Variants in NUDT4 observed in about 807,000 individuals in gnomAD.
The protein encoded by NUDT4 is nudix hydrolase 4, also known as diphosphoinositol polyphosphate phosphohydrolase 2.
NUDT4 carries 5 observed loss-of-function variants against 23.1 expected under a neutral mutation model. The observed-to-expected ratio is 0.22, with a 90% CI of 0.11 to 0.46. The LOEUF (loss-of-function observed/expected upper bound fraction) is 0.46, where lower values mean the gene tolerates loss of function less well. Among genes scored for constraint, NUDT4 ranks in the 20% least tolerant of loss-of-function variants. The probability of loss-of-function intolerance (pLI) is 0.99; values close to 1 mark genes in which losing one functional copy is unlikely to be tolerated. For synonymous variants in NUDT4, 50 were observed against 79.0 expected, an observed-to-expected ratio of 0.63 and a Z score of 1.95; for missense variants, 96 against 211.6, an observed-to-expected ratio of 0.45 and a Z score of 3.39.
chr12:93,404,421 G>C lies in NUDT4; in HGVS notation c.*5042G>C, dbSNP rs1419147794. 6.6e-6 allele frequency: 1 copy of C among 152,220 alleles called. No individual in the cohort carries two copies. Among genetic ancestry groups the C allele is most frequent in the Non-Finnish European group, 1.5e-5 (1 of 68,042 alleles). The allele number at this position is 152,220 out of a possible 1,614,324, so 9.4% of individuals were successfully genotyped here. A position where few individuals can be genotyped will look rare whatever the true frequency, so the allele number is the denominator to read the frequency against. ...CAGCCTGTCGGAGAGCTACTGAGTA[G>C]TATTTTATCACAGCTGCATACATAC... On this transcript the variant is annotated 3_prime_UTR_variant, in exon 5 of 5. Transcript: ENST00000415493.
rs1877825755 is a variant in NUDT4, at chr12:93,406,482, A to AT, written c.*7108dup. 6.6e-6 allele frequency: 1 copy of AT among 151,946 alleles called. No individual in the cohort carries two copies. The highest frequency in any genetic ancestry group is 1.5e-5 in the Non-Finnish European group (1 of 67,986). The allele number at this position is 151,946 out of a possible 1,614,324, so 9.4% of individuals were successfully genotyped here. A position where few individuals can be genotyped will look rare whatever the true frequency, so the allele number is the denominator to read the frequency against. On this transcript the variant is annotated 3_prime_UTR_variant, in exon 5 of 5. Transcript: ENST00000415493. The stretch of plus-strand genomic sequence containing the variant: ...TATCTGTTGGTTTGTATTTAATCTT[A>AT]TTTTTAAGTGCTTCTTTGAAATTGT...
chr12:93,385,941 T>TATATATATA lies in NUDT4; in HGVS notation c.99+7520_99+7521insATATATATA, dbSNP rs1565777284. 9.9e-3 allele frequency among the ~76,000 whole-genome samples: 1,033 copies of TATATATATA among 104,540 alleles called. 20 individuals carry two copies. The highest frequency in any genetic ancestry group is 0.015 in the East Asian group (44 of 2,964). 68.6% of individuals were successfully genotyped at this position (104,540 alleles called of 152,430 possible). A position where few individuals can be genotyped will look rare whatever the true frequency, so the allele number is the denominator to read the frequency against. ...ATATATATATATATAGTAAATCTTT[T>TATATATATA]TATATATATATATATATATATATAT... On this transcript the variant is annotated intron_variant, in intron 1 of 4. Transcript: ENST00000415493.
chr12:93,398,873 A>C lies in NUDT4; in HGVS notation c.340+18A>C. 7.2e-7 allele frequency: 1 copy of C among 1,398,330 alleles called. No homozygotes were observed. Among genetic ancestry groups the C allele is most frequent in the South Asian group, 1.2e-5 (1 of 85,636 alleles). 86.6% of individuals were successfully genotyped at this position (1,398,330 alleles called of 1,614,324 possible). A position where few individuals can be genotyped will look rare whatever the true frequency, so the allele number is the denominator to read the frequency against. Reference sequence around the variant, plus strand: ...TAATATTGGTAAGTTCCCTTTTGTTATCTGAATACTCTGTTCTAACAGAAG... The same window carrying C: ...TAATATTGGTAAGTTCCCTTTTGTTCTCTGAATACTCTGTTCTAACAGAAG... On this transcript the variant is annotated intron_variant, in intron 4 of 4. Coordinates refer to ENST00000415493, the MANE Select transcript of NUDT4 (RefSeq NM_019094.6).
Position 93,407,293 on chromosome 12 carries a change from G to GACA in NUDT4, c.*7915_*7917dup, listed in dbSNP as rs1330596926. ...TGTCCAAGTTACTTCTCTTTTCCAT[G>GACA]ACAGAGTTACAACTATTTGTCTGTC... On this transcript the variant is annotated 3_prime_UTR_variant, in exon 5 of 5. Transcript: ENST00000415493. 1 of 152,276 alleles carries GACA rather than the reference G, an allele frequency of 6.6e-6. No individual in the cohort carries two copies. Among genetic ancestry groups the GACA allele is most frequent in the Non-Finnish European group, 1.5e-5 (1 of 68,118 alleles). The allele number at this position is 152,276 out of a possible 1,614,324, so 9.4% of individuals were successfully genotyped here.
At chr12:93,385,205 G>T (rs553909103) in intron 1 of NUDT4, 1 of 152,322 alleles carries the variant, frequency 6.6e-6, no homozygotes, top group East Asian at 1.9e-4. Flanking sequence ...TACATGGGAA[G>T]AGGGAGTAAG....
intron 1 of NUDT4, 137 bp from the exon 2 acceptor site, chr12:93,394,472 C>T (rs572294451): frequency 6.4e-5 from 32 of 497,220 alleles, no homozygotes; most frequent in African/African-American, 5.6e-4. Flanking sequence ...TGGTGTAATG[C>T]GTACCCCCTA....
In NUDT4 at chr12:93,406,753, T is replaced by A. The variant is rs1456911234; in HGVS notation, c.*7374T>A. ...CATAAGCGGGAGGATTTGTGTAGAT[T>A]GTATGCATATACAACATCATTTTAT... On this transcript the variant is annotated 3_prime_UTR_variant, in exon 5 of 5. Coordinates refer to ENST00000415493, the MANE Select transcript of NUDT4 (RefSeq NM_019094.6). 1.3e-5 allele frequency: 2 copies of A among 151,642 alleles called. No individual in the cohort carries two copies. Among genetic ancestry groups the A allele is most frequent in the Admixed American group, 6.6e-5 (1 of 15,246 alleles). 9.4% of individuals were successfully genotyped at this position (151,642 alleles called of 1,614,324 possible).
intron 1 of NUDT4, among the ~76,000 whole-genome samples, chr12:93,389,324 T>A (rs1876320819): frequency 6.6e-6 from 1 of 151,916 alleles, no homozygotes. Context: ...AATACAAAAT[T>A]AGCTGGGCGT....
chr12:93,395,662 A>T, intron 3 of NUDT4, 129 bp downstream of exon 3: 1 of 668,356 alleles, frequency 1.5e-6, no homozygotes, highest in Non-Finnish European at 2.7e-6. Flanking sequence ...TCAGTCCAGG[A>T]TTAGGTAGGG....
At position 93,399,167 on chromosome 12, in the gene NUDT4, T is replaced by G. The variant is rs756079477; in HGVS notation, c.341-10T>G. 3.7e-6 allele frequency: 6 copies of G among 1,606,172 alleles called. No individual in the cohort carries two copies. The Admixed American group carries it at 1.0e-4, about 27-fold the overall frequency. Reference sequence around the variant, plus strand: ...GACTGTCTTGTAACCAATGTCATTCTTTTCTCTAGGAAGGAAGAGAGAGTG... The same window carrying G: ...GACTGTCTTGTAACCAATGTCATTCGTTTCTCTAGGAAGGAAGAGAGAGTG... On this transcript the variant is annotated splice_polypyrimidine_tract_variant and intron_variant, in intron 4 of 4. Transcript: ENST00000415493.
At chr12:93,386,248 C>T (rs957235561) in intron 1 of NUDT4, among the ~76,000 whole-genome samples, 4 of 151,894 alleles carry the variant, frequency 2.6e-5, no homozygotes, top group Admixed American at 6.6e-5. Context: ...ACCGGGATTA[C>T]GGGTGTGAGC....
At chr12:93,397,042 A>G (rs555437684) in intron 3 of NUDT4, among the ~76,000 whole-genome samples, 1 of 152,374 alleles carries the variant, frequency 6.6e-6, no homozygotes, top group East Asian at 1.9e-4. Flanking sequence ...AATGTCTCAC[A>G]TTATAAATAA....
intron 1 of NUDT4, chr12:93,378,690 C>A: frequency 1.7e-6 from 2 of 1,160,234 alleles, no homozygotes; most frequent in Non-Finnish European, 2.1e-6. Context: ...AGGTCCCGGG[C>A]CGCGTAAGTC....
At chr12:93,396,413 G>A (rs1876938026) in intron 3 of NUDT4, among the ~76,000 whole-genome samples, 1 of 152,210 alleles carries the variant, frequency 6.6e-6, no homozygotes, top group Non-Finnish European at 1.5e-5. Context: ...AGGTCCAGAT[G>A]TATCTTCATC....
At chr12:93,382,575 A>G (rs374079280) in intron 1 of NUDT4, among the ~76,000 whole-genome samples, 2 of 152,146 alleles carry the variant, frequency 1.3e-5, no homozygotes, top group African/African-American at 4.8e-5. Flanking sequence ...CTTTTCACAC[A>G]TACTCTGGGG....
chr12:93,390,686 C>T (rs1386404619), intron 1 of NUDT4, among the ~76,000 whole-genome samples: 1 of 152,016 alleles, frequency 6.6e-6, no homozygotes, highest in Non-Finnish European at 1.5e-5. Flanking sequence ...CTCACTGTAA[C>T]CTCGACCTCC....
chr12:93,398,147 C>T (rs970679620), intron 3 of NUDT4, among the ~76,000 whole-genome samples: 5 of 151,816 alleles, frequency 3.3e-5, no homozygotes, highest in Non-Finnish European at 7.4e-5. Flanking sequence ...TAAGACCATC[C>T]TGACCAACAT....
At chr12:93,398,621 G>A (rs1203095287) in intron 3 of NUDT4, 150 bp from the exon 4 acceptor site, 3 of 561,960 alleles carry the variant, frequency 5.3e-6, no homozygotes, top group Non-Finnish European at 9.5e-6. Context: ...AGTCACTTTT[G>A]TGTTGGACTG....
At chr12:93,385,981 T>C (rs1876061730) in intron 1 of NUDT4, among the ~76,000 whole-genome samples, 1 of 115,124 alleles carries the variant, frequency 8.7e-6, no homozygotes, top group South Asian at 2.8e-4. Flanking sequence ...ACATAATTTT[T>C]TTTTTCTTTT....
Sources: gnomAD v4.1 joint callset for allele counts (sites outside exome capture counted in the v4.1 genomes callset) on GRCh38, gnomAD v4.1.1 for gene constraint, MANE v1.5 for transcripts, NCBI Gene and HGNC (gene_info 2026-07-23, HGNC 2026-07-21) for gene names.